ARRB1: variants seen among roughly 807,000 people sequenced by gnomAD.
ARRB1 encodes beta-arrestin-1.
A neutral mutation model predicts 56.8 loss-of-function variants in ARRB1; 21 were observed. The ratio of observed to expected loss-of-function variants is 0.37; its 90% CI spans 0.26 to 0.53. The LOEUF is 0.53. Ranked by LOEUF, ARRB1 falls within the 20% of genes least tolerant of loss-of-function variation. The pLI, the probability that ARRB1 is intolerant of heterozygous loss-of-function variation, is 0.88. For synonymous variants in ARRB1, 210 were observed against 218.6 expected (o/e 0.96, Z 0.35); for missense variants, 424 against 553.7 (o/e 0.77, Z 2.35).
intron 13 of ARRB1, 22 bp downstream of exon 13, chr11:75,271,679 C>G: frequency 6.4e-7 from 1 of 1,559,790 alleles, no homozygotes; most frequent in Non-Finnish European, 8.7e-7. Flanking sequence ...GTGGGTGAAC[C>G]AGGTGGAAGG....
At chr11:75,324,606 C>A (rs760042352) in intron 1 of ARRB1, among the ~76,000 whole-genome samples, 3 of 152,034 alleles carry the variant, frequency 2.0e-5, no homozygotes, top group Non-Finnish European at 4.4e-5. Context: ...GGGGAGTGTG[C>A]GTGTGGGTGT....
chr11:75,339,598 G>A (rs1047567648), intron 1 of ARRB1, among the ~76,000 whole-genome samples: 1 of 152,192 alleles, frequency 6.6e-6, no homozygotes, highest in East Asian at 1.9e-4. Context: ...CAACCAGGTC[G>A]TGAGTCCCTA....
intron 15 of ARRB1, 38 bp from the exon 16 acceptor site, chr11:75,266,312 G>T: frequency 1.3e-6 from 2 of 1,559,056 alleles, no homozygotes; most frequent in Non-Finnish European, 1.8e-6. Context: ...TGTGTTTGCA[G>T]GGGCAGGGAG....
chr11:75,273,677 C>G (rs1209183485), intron 11 of ARRB1, among the ~76,000 whole-genome samples: 3 of 101,356 alleles, frequency 3.0e-5, no homozygotes, highest in Non-Finnish European at 6.6e-5. Flanking sequence ...TGCCCTGGGA[C>G]CCCTGACTTG....
intron 3 of ARRB1, among the ~76,000 whole-genome samples, chr11:75,284,513 C>A (rs1051300239): frequency 3.3e-5 from 5 of 152,172 alleles, no homozygotes; most frequent in Admixed American, 3.3e-4. Context: ...AGGTTAGAGA[C>A]CATTTCTGTT....
At chr11:75,297,067 C>T (rs907686811) in intron 1 of ARRB1, among the ~76,000 whole-genome samples, 4 of 152,078 alleles carry the variant, frequency 2.6e-5, no homozygotes, top group South Asian at 2.1e-4. Flanking sequence ...CAGAATAGTA[C>T]GTTTGGCATG....
intron 11 of ARRB1, 77 bp from the exon 12 acceptor site, chr11:75,273,055 G>A (rs892244060): frequency 3.9e-6 from 5 of 1,279,846 alleles, no homozygotes; most frequent in Non-Finnish European, 4.5e-6. Context: ...GTATGCTGGG[G>A]GGCAGTGGCC....
intron 1 of ARRB1, among the ~76,000 whole-genome samples, chr11:75,320,482 G>C (rs1947329245): frequency 6.6e-6 from 1 of 152,226 alleles, no homozygotes; most frequent in Non-Finnish European, 1.5e-5. Context: ...CTGGATGGTG[G>C]CCCTGAGGCT....
Position 75,351,655 on chromosome 11 carries a change from G to A in ARRB1, c.-48C>T. ...GTCCGCGGCGTCAGCGCCCAGGCTG[G>A]AAAATCCCCAGCCAGCAGGAGGAGC... On this transcript the variant is annotated 5_prime_UTR_variant, in exon 1 of 16. Coordinates refer to ENST00000420843, the MANE Select transcript of ARRB1 (RefSeq NM_004041.5). The A allele has an allele frequency of 2.2e-6, 3 of 1,339,756 alleles. No individual in the cohort carries two copies. Among genetic ancestry groups the A allele is most frequent in the Non-Finnish European group, 2.9e-6 (3 of 1,043,284 alleles). 83.0% of individuals were successfully genotyped at this position (1,339,756 alleles called of 1,614,324 possible).
chr11:75,297,864 CAAAAAAAAAAAAAA>C (rs34831668), intron 1 of ARRB1, among the ~76,000 whole-genome samples: 4 of 29,270 alleles, frequency 1.4e-4, no homozygotes, highest in Admixed American at 6.8e-4. Context: ...GACTTTGTCT[CAAAAAAAAAAAAAA>C]AAAAAAAAAA....
At chr11:75,291,146 A>G (rs573171) in intron 1 of ARRB1, among the ~76,000 whole-genome samples, 99,785 of 151,884 alleles carry the variant, frequency 0.66, 33,117 homozygotes, top group Middle Eastern at 0.69. Flanking sequence ...AGACCAGCCT[A>G]ACTAATGTGG....
At chr11:75,335,499 T>G (rs1249306286) in intron 1 of ARRB1, among the ~76,000 whole-genome samples, 1 of 151,938 alleles carries the variant, frequency 6.6e-6, no homozygotes, top group East Asian at 1.9e-4. Context: ...GAGGAAAGAT[T>G]GTGTGAGCCC....
At chr11:75,333,638 A>T (rs1293064332) in intron 1 of ARRB1, among the ~76,000 whole-genome samples, 1 of 152,172 alleles carries the variant, frequency 6.6e-6, no homozygotes, top group East Asian at 1.9e-4. Flanking sequence ...CCACAACCCT[A>T]TGGGGGTGAG....
intron 1 of ARRB1, among the ~76,000 whole-genome samples, chr11:75,330,028 C>T (rs1191185747): frequency 6.6e-6 from 1 of 152,082 alleles, no homozygotes; most frequent in African/African-American, 2.4e-5. Context: ...ACTACTGCCT[C>T]TCAGACTCCC....
chr11:75,344,628 C>T (rs1007406295), intron 1 of ARRB1, among the ~76,000 whole-genome samples: 4 of 152,156 alleles, frequency 2.6e-5, no homozygotes, highest in African/African-American at 4.8e-5. Flanking sequence ...CAACCCCCTA[C>T]TAGGACTCAA....
intron 15 of ARRB1, among the ~76,000 whole-genome samples, chr11:75,266,670 G>A (rs1490128951): frequency 1.3e-5 from 2 of 152,170 alleles, no homozygotes; most frequent in African/African-American, 2.4e-5. Flanking sequence ...AGCATGTTCT[G>A]AATCCCCCAA....
At chr11:75,335,174 A>G (rs754509644) in intron 1 of ARRB1, 1 of 246,206 alleles carries the variant, frequency 4.1e-6, no homozygotes, top group South Asian at 4.8e-5. Context: ...CTCCAGCCCA[A>G]CAGACAGATG....
chr11:75,299,976 G>T (rs1946859292), intron 1 of ARRB1, among the ~76,000 whole-genome samples: 1 of 152,100 alleles, frequency 6.6e-6, no homozygotes, highest in South Asian at 2.1e-4. Context: ...GGAGGCCGAG[G>T]GGGGCAGATC....
At chr11:75,331,090 C>T (rs1438624594) in intron 1 of ARRB1, among the ~76,000 whole-genome samples, 2 of 152,246 alleles carry the variant, frequency 1.3e-5, no homozygotes, top group Admixed American at 6.5e-5. Flanking sequence ...CGGCTTACCG[C>T]AACCTCCGCC....
Sources: allele counts gnomAD v4.1 joint callset (sites outside exome capture counted in the v4.1 genomes callset), GRCh38; gene constraint gnomAD v4.1.1; transcripts MANE v1.5; gene names NCBI Gene and HGNC (gene_info 2026-07-23, HGNC 2026-07-21).